Variants in ASIC2 observed in about 807,000 individuals in gnomAD.
The protein encoded by ASIC2 is acid-sensing ion channel 2.
ASIC2 carries 25 observed loss-of-function variants against 57.3 expected under a neutral mutation model. The ratio of observed to expected loss-of-function variants is 0.44; its 90% confidence interval spans 0.32 to 0.61. The LOEUF (loss-of-function observed/expected upper bound fraction) is 0.61, where lower values mean the gene tolerates loss of function less well. ASIC2 is among the 20% of genes least tolerant of loss of function. The probability of loss-of-function intolerance (pLI) is 0.06; values close to 1 mark genes in which losing one functional copy is unlikely to be tolerated. For missense variants in ASIC2, 641 were observed against 738.1 expected, an observed-to-expected ratio of 0.87 and a Z score of 1.52; for synonymous variants, 319 against 307.5, an observed-to-expected ratio of 1.04 and a Z score of -0.39.
intron 1 of ASIC2, among the ~76,000 whole-genome samples, chr17:33,892,152 G>A (rs1303181288): frequency 6.6e-6 from 1 of 152,158 alleles, no homozygotes; most frequent in Admixed American, 6.6e-5. Context: ...AGTTATGTTT[G>A]TACTCATTTG....
intron 1 of ASIC2, among the ~76,000 whole-genome samples, chr17:33,982,528 G>A (rs1017325204): frequency 6.6e-6 from 1 of 152,154 alleles, no homozygotes; most frequent in Non-Finnish European, 1.5e-5. Context: ...TGACAAGATC[G>A]TCCATTAGTG....
At chr17:33,551,346 G>GCTGTTGCA (rs1915746763) in intron 1 of ASIC2, among the ~76,000 whole-genome samples, 1 of 152,180 alleles carries the variant, frequency 6.6e-6, no homozygotes, top group Non-Finnish European at 1.5e-5. Context: ...CAGAGGTCAG[G>GCTGTTGCA]ACGCTGTTAG....
intron 1 of ASIC2, among the ~76,000 whole-genome samples, chr17:33,787,577 A>C (rs1405132966): frequency 1.3e-5 from 2 of 152,216 alleles, no homozygotes. Context: ...ACAGGTGCCA[A>C]GGAATGAAAG....
intron 1 of ASIC2, among the ~76,000 whole-genome samples, chr17:33,345,549 G>A (rs554763091): frequency 1.3e-5 from 2 of 152,324 alleles, no homozygotes; most frequent in African/African-American, 4.8e-5. Flanking sequence ...TTTTGATTGG[G>A]TGGTCAGACC....
At chr17:33,800,653 G>A (rs1279720507) in intron 1 of ASIC2, among the ~76,000 whole-genome samples, 2 of 152,064 alleles carry the variant, frequency 1.3e-5, no homozygotes, top group Admixed American at 6.6e-5. Context: ...GGATGATCCT[G>A]GGAAATGGTG....
chr17:33,172,138 T>C (rs1207215869), intron 1 of ASIC2, among the ~76,000 whole-genome samples: 1 of 152,128 alleles, frequency 6.6e-6, no homozygotes, highest in Non-Finnish European at 1.5e-5. Flanking sequence ...TCATGCCCCC[T>C]GATAGTATAG....
intron 1 of ASIC2, among the ~76,000 whole-genome samples, chr17:34,149,514 A>T (rs1904430615): frequency 6.6e-6 from 1 of 152,184 alleles, no homozygotes; most frequent in African/African-American, 2.4e-5. Context: ...AACTAGACTT[A>T]CTTAACATTA....
chr17:33,543,548 T>G (rs1915488534), intron 1 of ASIC2, among the ~76,000 whole-genome samples: 1 of 152,210 alleles, frequency 6.6e-6, no homozygotes, highest in East Asian at 1.9e-4. Flanking sequence ...AAGCAATTGA[T>G]TGGCCTATAC....
intron 3 of ASIC2, among the ~76,000 whole-genome samples, chr17:33,082,701 A>AAAATAAAT (rs34712140): frequency 0.04 from 5,585 of 139,506 alleles, 125 homozygotes; most frequent in Non-Finnish European, 0.045. Context: ...TCTGTCTCCA[A>AAAATAAAT]AAATAAATAA....
chr17:33,629,565 T>C (rs950268829), intron 1 of ASIC2, among the ~76,000 whole-genome samples: 2 of 152,140 alleles, frequency 1.3e-5, no homozygotes, highest in Admixed American at 6.5e-5. Context: ...GGTGATTGGC[T>C]CTTGATTTGG....
At chr17:34,049,410 T>A (rs1192752523) in intron 1 of ASIC2, among the ~76,000 whole-genome samples, 1 of 152,170 alleles carries the variant, frequency 6.6e-6, no homozygotes, top group Admixed American at 6.5e-5. Flanking sequence ...GGCCCAAGGT[T>A]CTGTCTTGTC....
chr17:33,559,390 G>A (rs1249412593), intron 1 of ASIC2, among the ~76,000 whole-genome samples: 1 of 152,166 alleles, frequency 6.6e-6, no homozygotes, highest in Non-Finnish European at 1.5e-5. Flanking sequence ...CAGTGGGAAT[G>A]TCATGCTCTA....
intron 1 of ASIC2, among the ~76,000 whole-genome samples, chr17:33,695,801 C>G (rs1305602397): frequency 6.6e-6 from 1 of 152,204 alleles, no homozygotes; most frequent in Non-Finnish European, 1.5e-5. Context: ...GTCATTCTTC[C>G]TAGTCCACAG....
At chr17:33,364,650 G>A (rs1041950767) in intron 1 of ASIC2, among the ~76,000 whole-genome samples, 9 of 152,096 alleles carry the variant, frequency 5.9e-5, no homozygotes, top group East Asian at 1.9e-4. Flanking sequence ...CTTCCACCAT[G>A]ATCGTGAGTT....
Position 33,674,570 on chromosome 17 carries a change from G to A in ASIC2, c.555+481408C>T, listed in dbSNP as rs369009552. On this transcript the variant is annotated intron_variant, in intron 1 of 9. Coordinates refer to the ASIC2 transcript ENST00000359872. ...TTTATGTGTGTGTCATTTAAGTCTT[G>A]TGTCCCTATGAACAAAATACTATTT... is the stretch of plus-strand genomic sequence containing the variant. 4.6e-5 allele frequency among the ~76,000 whole-genome samples: 7 copies of A among 152,286 alleles called. No homozygotes were observed. In the South Asian group the frequency reaches 1.5e-3, roughly 32 times the overall value.
intron 1 of ASIC2, among the ~76,000 whole-genome samples, chr17:33,670,384 A>T (rs1907605565): frequency 6.6e-6 from 1 of 152,232 alleles, no homozygotes; most frequent in South Asian, 2.1e-4. Flanking sequence ...AGGAATGCTG[A>T]ATCTTCAGGA....
chr17:33,095,889 TATGATCAGACAA>T (rs1404979259), intron 2 of ASIC2, among the ~76,000 whole-genome samples: 1 of 152,214 alleles, frequency 6.6e-6, no homozygotes, highest in Non-Finnish European at 1.5e-5. Flanking sequence ...CACTGCTACC[TATGATCAGACAA>T]ATGGGCCTGG....
chr17:33,276,703 G>A (rs1376421413), intron 1 of ASIC2, among the ~76,000 whole-genome samples: 1 of 152,180 alleles, frequency 6.6e-6, no homozygotes, highest in Admixed American at 6.5e-5. Context: ...ATCATATAAA[G>A]ACAAAGGAAA....
intron 1 of ASIC2, 91 bp downstream of exon 1, chr17:33,291,317 G>A: frequency 6.8e-7 from 1 of 1,474,406 alleles, no homozygotes; most frequent in Non-Finnish European, 8.9e-7. Context: ...CAAGAGGCCT[G>A]GGGACAGCCC....
Sources: gnomAD v4.1 joint callset for allele counts (sites outside exome capture counted in the v4.1 genomes callset) on GRCh38, gnomAD v4.1.1 for gene constraint, MANE v1.5 for transcripts, NCBI Gene and HGNC (gene_info 2026-07-23, HGNC 2026-07-21) for gene names.